The following ITPR2 variants were observed in gnomAD, a reference collection of about 807,000 sequenced individuals.
ITPR2 encodes inositol 1,4,5-trisphosphate-gated calcium channel ITPR2.
ITPR2 carries 207 observed loss-of-function variants against 317.1 expected under a neutral mutation model. The observed-to-expected ratio is 0.65, with a 90% CI of 0.58 to 0.73. The LOEUF (loss-of-function observed/expected upper bound fraction) is 0.73, where lower values mean the gene tolerates loss of function less well. ITPR2 is among the 30% of genes least tolerant of loss of function. The pLI, the probability that ITPR2 is intolerant of heterozygous loss-of-function variation, is 0.00. For synonymous variants in ITPR2, 1,156 were observed against 1,149.1 expected (o/e 1.01, Z -0.12); for missense variants, 2,613 against 3,284.0 (o/e 0.80, Z 4.99).
intron 56 of ITPR2, 111 bp downstream of exon 56, chr12:26,340,056 T>G: frequency 1.9e-6 from 2 of 1,041,714 alleles, no homozygotes; most frequent in Non-Finnish European, 2.7e-6. Flanking sequence ...TTTCTCGGAG[T>G]TTGCAATTCT....
intron 2 of ITPR2, among the ~76,000 whole-genome samples, chr12:26,743,491 T>C (rs1044089476): frequency 1.3e-5 from 2 of 152,228 alleles, no homozygotes; most frequent in African/African-American, 2.4e-5. Flanking sequence ...TTCCATAGCA[T>C]TGTGATAAGG....
chr12:26,722,246 T>C, intron 5 of ITPR2, 151 bp downstream of exon 5: 1 of 529,146 alleles, frequency 1.9e-6, no homozygotes, highest in Non-Finnish European at 3.2e-6. Flanking sequence ...GTACTATAAA[T>C]AAACATGTTT....
rs1324928931 is a variant in ITPR2 at position 26,336,412 on chromosome 12, T to G, written c.*2985A>C. 6.6e-6 allele frequency: 1 copy of G among 152,218 alleles called. No individual in the cohort carries two copies. The highest frequency in any genetic ancestry group is 1.9e-4 in the East Asian group (1 of 5,202). The allele number at this position is 152,218 out of a possible 1,614,324, so 9.4% of individuals were successfully genotyped here. A position where few individuals can be genotyped will look rare whatever the true frequency, so the allele number is the denominator to read the frequency against. ...AATATCTTCCTGATGTTATTAACAATCTACTAGAAATTGTGTCCTCTTTAC... is the reference window on the plus strand; with the variant it reads ...AATATCTTCCTGATGTTATTAACAAGCTACTAGAAATTGTGTCCTCTTTAC... On this transcript the variant is annotated 3_prime_UTR_variant, in exon 57 of 57. Transcript: ENST00000381340.
chr12:26,706,620 GA>G (rs1948557980), intron 9 of ITPR2, among the ~76,000 whole-genome samples: 1 of 152,040 alleles, frequency 6.6e-6, no homozygotes, highest in Admixed American at 6.5e-5. Flanking sequence ...GACCCCCTGA[GA>G]AAAGTGTGGG....
rs771382688 is a variant in ITPR2, at chr12:26,578,732, G to A, written c.4611C>T (p.Ile1537=). Residue 1537 remains isoleucine (I), a synonymous_variant, in exon 34 of 57, where the codon ATC becomes ATT. Coordinates refer to ENST00000381340, the MANE Select transcript of ITPR2 (RefSeq NM_002223.4). ...PAQKASVESC[I]RTLAEVAKNR... Reference sequence around the variant, plus strand: ...ACTTACCCACTTCAGCCAAAGTTCTGATACAGGATTCCACTGAGGCTTTCT... The same window carrying A: ...ACTTACCCACTTCAGCCAAAGTTCTAATACAGGATTCCACTGAGGCTTTCT... 5 of 1,604,326 alleles carry A rather than the reference G, an allele frequency of 3.1e-6. No homozygotes were observed. Among genetic ancestry groups the A allele is most frequent in the East Asian group, 2.2e-5 (1 of 44,822 alleles).
At chr12:26,463,423 T>C (rs1297875112) in intron 45 of ITPR2, among the ~76,000 whole-genome samples, 2 of 152,028 alleles carry the variant, frequency 1.3e-5, no homozygotes, top group Admixed American at 6.5e-5. Flanking sequence ...TCCCAGCACT[T>C]TGGGAGGCTG....
Position 26,339,472 on chromosome 12 carries a change from T to C in ITPR2, c.8031A>G (p.Gln2677=). The change falls in exon 57 of 57, where the codon CAA becomes CAG. Residue 2677 remains glutamine (Q), a synonymous_variant. Coordinates refer to ENST00000381340, the MANE Select transcript of ITPR2 (RefSeq NM_002223.4). ...AGCCCAGTCTCTGCTTATTCTTCCTTTGTTCTGTCATCTGGGGGAAAAGAG... is the reference window on the plus strand; with the variant it reads ...AGCCCAGTCTCTGCTTATTCTTCCTCTGTTCTGTCATCTGGGGGAAAAGAG... The part of the protein sequence containing the change: ...LAELKEQMTE[Q]RKNKQRLGFL... 6.2e-7 allele frequency: 1 copy of C among 1,613,758 alleles called. No homozygotes were observed. Among genetic ancestry groups the C allele is most frequent in the Non-Finnish European group, 8.5e-7 (1 of 1,179,750 alleles).
intron 37 of ITPR2, among the ~76,000 whole-genome samples, chr12:26,523,234 A>G (rs974959094): frequency 7.9e-5 from 12 of 152,218 alleles, no homozygotes; most frequent in Non-Finnish European, 1.0e-4. Context: ...TCGTAAAAAG[A>G]TAACTAGAAG....
chr12:26,666,801 G>A (rs1947641170), intron 13 of ITPR2, among the ~76,000 whole-genome samples: 1 of 152,124 alleles, frequency 6.6e-6, no homozygotes. Flanking sequence ...TGTAGTACAG[G>A]AAATGTCTTG....
intron 13 of ITPR2, among the ~76,000 whole-genome samples, chr12:26,666,816 C>A (rs748446309): frequency 6.6e-6 from 1 of 152,162 alleles, no homozygotes; most frequent in Non-Finnish European, 1.5e-5. Context: ...GTCTTGAAAG[C>A]CTTCCTCTCT....
At chr12:26,623,523 T>A (rs1386923231) in intron 24 of ITPR2, 2 of 152,220 alleles carry the variant, frequency 1.3e-5, no homozygotes, top group African/African-American at 4.8e-5. Flanking sequence ...ATTTATATAT[T>A]AAATTTTATC....
intron 45 of ITPR2, among the ~76,000 whole-genome samples, chr12:26,455,674 A>T (rs954036509): frequency 6.6e-6 from 1 of 152,212 alleles, no homozygotes; most frequent in Admixed American, 6.5e-5. Context: ...AAGTAAGGAG[A>T]GGAAGGGAAG....
chr12:26,646,611 A>G (rs1411136637), intron 21 of ITPR2, among the ~76,000 whole-genome samples: 1 of 152,022 alleles, frequency 6.6e-6, no homozygotes, highest in Admixed American at 6.6e-5. Context: ...TCTCCGCCCT[A>G]CCCTGGGTTG....
intron 37 of ITPR2, among the ~76,000 whole-genome samples, chr12:26,529,563 G>GT (rs1164115820): frequency 6.6e-6 from 1 of 152,184 alleles, no homozygotes. Context: ...CCTGAGACAG[G>GT]TAGCAGAATA....
intron 22 of ITPR2, among the ~76,000 whole-genome samples, 165 bp from the exon 23 acceptor site, chr12:26,628,327 G>A (rs996993777): frequency 1.3e-5 from 2 of 152,148 alleles, no homozygotes; most frequent in African/African-American, 4.8e-5. Flanking sequence ...ACTAAGCAAG[G>A]GAATTCATTT....
intron 23 of ITPR2, among the ~76,000 whole-genome samples, chr12:26,626,466 C>T (rs1168314974): frequency 6.6e-6 from 1 of 152,178 alleles, no homozygotes; most frequent in Non-Finnish European, 1.5e-5. Flanking sequence ...ACTTTACTGA[C>T]ACTTAAAACT....
At chr12:26,538,043 C>T (rs1944147820) in intron 37 of ITPR2, among the ~76,000 whole-genome samples, 1 of 152,184 alleles carries the variant, frequency 6.6e-6, no homozygotes, top group Admixed American at 6.5e-5. Flanking sequence ...CTCTGGCAGC[C>T]ATGTGTGAAA....
At chr12:26,651,443 T>C (rs1947252424) in intron 21 of ITPR2, among the ~76,000 whole-genome samples, 1 of 152,252 alleles carries the variant, frequency 6.6e-6, no homozygotes, top group South Asian at 2.1e-4. Flanking sequence ...TTTTATTCTA[T>C]TTCTTTCCTA....
chr12:26,659,144 C>T lies in ITPR2; in HGVS notation c.1855G>A (p.Val619Ile). 1 of 1,613,392 alleles carries T rather than the reference C, an allele frequency of 6.2e-7. No homozygotes were observed. Among genetic ancestry groups the T allele is most frequent in the East Asian group, 2.2e-5 (1 of 44,800 alleles). The change falls in exon 16 of 57, where the codon GTC (valine) becomes ATC (isoleucine). Residue 619 changes from valine (V) to isoleucine (I), a missense_variant. Coordinates refer to ENST00000381340, the MANE Select transcript of ITPR2 (RefSeq NM_002223.4). Reference protein sequence around the residue: ...HITAKEIETFVSLLRRNREPR... With the variant: ...HITAKEIETFISLLRRNREPR... ...TCCCGATTTCTCCTGAGTAAACTGA[C>T]AAATGTTTCTATTTCTTTTGCTGTG... is the stretch of plus-strand genomic sequence containing the variant.
Sources: gnomAD v4.1 joint callset for allele counts (sites outside exome capture counted in the v4.1 genomes callset) on GRCh38, gnomAD v4.1.1 for gene constraint, MANE v1.5 for transcripts, NCBI Gene and HGNC (gene_info 2026-07-23, HGNC 2026-07-21) for gene names.